Variants in PTCHD4 observed in about 807,000 individuals in gnomAD.
The protein encoded by PTCHD4 is patched domain-containing protein 4.
PTCHD4 carries 33 observed loss-of-function variants against 58.1 expected under a neutral mutation model. The ratio of observed to expected loss-of-function variants is 0.57; its 90% CI spans 0.43 to 0.76. The LOEUF (loss-of-function observed/expected upper bound fraction) is 0.76. Ranked by LOEUF, PTCHD4 falls within the 30% of genes least tolerant of loss-of-function variation. The pLI is 0.00. For synonymous variants in PTCHD4, 478 were observed against 409.6 expected, an observed-to-expected ratio of 1.17 and a Z score of -2.02; for missense variants, 1,058 against 1,027.1, an observed-to-expected ratio of 1.03 and a Z score of -0.41.
intron 3 of PTCHD4, among the ~76,000 whole-genome samples, chr6:48,043,976 C>T (rs558028349): frequency 7.9e-5 from 12 of 151,818 alleles, no homozygotes; most frequent in South Asian, 6.2e-4. Flanking sequence ...GTGAAGTTTG[C>T]GGGGAAGAAT....
At chr6:47,979,190 C>T (rs927904402) in intron 4 of PTCHD4, among the ~76,000 whole-genome samples, 1 of 152,076 alleles carries the variant, frequency 6.6e-6, no homozygotes, top group African/African-American at 2.4e-5. Context: ...GATAGGGATT[C>T]ACTGAAAAGG....
chr6:47,971,327 T>G (rs1003422116), intron 4 of PTCHD4, among the ~76,000 whole-genome samples: 50 of 146,538 alleles, frequency 3.4e-4, no homozygotes, highest in Non-Finnish European at 3.8e-4. Context: ...GAAAGTATGA[T>G]TGCTGAATAA....
chr6:47,886,356 T>A (rs114152312), intron 4 of PTCHD4, among the ~76,000 whole-genome samples: 5,443 of 152,234 alleles, frequency 0.036, 154 homozygotes, highest in Non-Finnish European at 0.048. Context: ...CTAGTTTATT[T>A]TAATCAGCAG....
In PTCHD4 at chr6:47,871,095, G is replaced by A. The variant is rs1763702403; in HGVS notation, c.*7208C>T. ...TTAAGAACAAGTGGGTTTTGTTTTA[G>A]GAAAGAAAATAAAAATGCTCAACTT... On this transcript the variant is annotated 3_prime_UTR_variant, in exon 5 of 5. Coordinates refer to ENST00000339488, the MANE Select transcript of PTCHD4 (RefSeq NM_001384253.1). 2.6e-5 allele frequency among the ~76,000 whole-genome samples: 4 copies of A among 151,468 alleles called. No individual in the cohort carries two copies. Among genetic ancestry groups the A allele is most frequent in the African/African-American group, 9.7e-5 (4 of 41,326 alleles).
chr6:47,988,624 G>T (rs926143985), intron 4 of PTCHD4, among the ~76,000 whole-genome samples: 2 of 152,264 alleles, frequency 1.3e-5, no homozygotes, highest in Admixed American at 1.3e-4. Flanking sequence ...TGTTCTTGTG[G>T]TAGTGAATAG....
chr6:48,068,700 C>G lies in PTCHD4; in HGVS notation c.6-59G>C. Reference sequence around the variant, plus strand: ...GGCTACCCCGTTCTCCCCCATCCCACCCCCTGGGGCCAGTCCCCCCTCCCC... The same window carrying G: ...GGCTACCCCGTTCTCCCCCATCCCAGCCCCTGGGGCCAGTCCCCCCTCCCC... On this transcript the variant is annotated intron_variant, in intron 2 of 4. Coordinates refer to ENST00000339488, the MANE Select transcript of PTCHD4 (RefSeq NM_001384253.1). The surrounding 1 kb of genome is among the most constrained non-coding windows in gnomAD (Gnocchi z 4.2). The G allele has an allele frequency of 1.4e-6, 2 of 1,454,534 alleles. No individual in the cohort carries two copies. Among genetic ancestry groups the G allele is most frequent in the Non-Finnish European group, 9.1e-7 (1 of 1,097,576 alleles). The allele number at this position is 1,454,534 out of a possible 1,614,324, so 90.1% of individuals were successfully genotyped here.
intron 3 of PTCHD4, among the ~76,000 whole-genome samples, chr6:48,046,515 T>C (rs1359526688): frequency 1.3e-5 from 2 of 151,896 alleles, no homozygotes; most frequent in African/African-American, 4.8e-5. Flanking sequence ...CTTTTAATGT[T>C]AGTTATAAAC....
At chr6:48,097,781 GA>G (rs528820955) in intron 1 of PTCHD4, among the ~76,000 whole-genome samples, 1 of 152,026 alleles carries the variant, frequency 6.6e-6, no homozygotes, top group Admixed American at 6.6e-5. Context: ...GCTGTAGGAA[GA>G]AAAAAATCAA....
intron 4 of PTCHD4, among the ~76,000 whole-genome samples, chr6:47,989,426 G>A (rs1768200278): frequency 6.6e-6 from 1 of 152,198 alleles, no homozygotes; most frequent in Non-Finnish European, 1.5e-5. Flanking sequence ...CATGTCAGAG[G>A]TCTTCAACGT....
intron 1 of PTCHD4, among the ~76,000 whole-genome samples, chr6:48,085,780 A>G (rs1038059741): frequency 1.3e-5 from 2 of 152,166 alleles, no homozygotes; most frequent in Non-Finnish European, 2.9e-5. Flanking sequence ...TCATGATAAG[A>G]TATTCCATTT....
At chr6:47,947,471 T>G (rs1388836092) in intron 4 of PTCHD4, among the ~76,000 whole-genome samples, 1 of 152,104 alleles carries the variant, frequency 6.6e-6, no homozygotes, top group African/African-American at 2.4e-5. Flanking sequence ...AGCTCCTCCT[T>G]TATTATTAAT....
chr6:48,025,844 T>G (rs1409236981), intron 3 of PTCHD4, among the ~76,000 whole-genome samples: 2 of 152,164 alleles, frequency 1.3e-5, no homozygotes, highest in Non-Finnish European at 1.5e-5. Context: ...TGGAGCTGTT[T>G]GCAAGAAAAT....
chr6:47,982,278 G>C lies in PTCHD4; in HGVS notation c.898+26356C>G, dbSNP rs1329429383. 3.3e-5 allele frequency among the ~76,000 whole-genome samples: 5 copies of C among 152,126 alleles called. No homozygotes were observed. In the East Asian group the frequency reaches 9.7e-4, roughly 29 times the overall value. On this transcript the variant is annotated intron_variant, in intron 4 of 4. Transcript: ENST00000339488. ...ATTAGAAGCATTGTTTACCTGTTAG[G>C]CTGATATCAAGTCCCATCTCCCTTT...
intron 1 of PTCHD4, among the ~76,000 whole-genome samples, chr6:48,086,490 G>A (rs941393865): frequency 2.0e-5 from 3 of 150,088 alleles, no homozygotes; most frequent in African/African-American, 7.4e-5. Flanking sequence ...TCAAATACAA[G>A]GAAATATTAC....
chr6:48,062,176 T>C (rs1423748851), intron 3 of PTCHD4, among the ~76,000 whole-genome samples: 1 of 152,166 alleles, frequency 6.6e-6, no homozygotes, highest in Non-Finnish European at 1.5e-5. Context: ...ACTTGTAATA[T>C]AGAATTATTT....
chr6:48,045,368 T>C (rs563961819), intron 3 of PTCHD4, among the ~76,000 whole-genome samples: 1 of 151,946 alleles, frequency 6.6e-6, no homozygotes, highest in African/African-American at 2.4e-5. Flanking sequence ...TTTAAAAGTG[T>C]TTGAGTCGTA....
intron 1 of PTCHD4, among the ~76,000 whole-genome samples, chr6:48,082,378 C>G (rs568439232): frequency 3.5e-4 from 53 of 152,302 alleles, no homozygotes; most frequent in African/African-American, 1.3e-3. Flanking sequence ...TAGCTGTACT[C>G]TCAATTCCTC....
intron 3 of PTCHD4, among the ~76,000 whole-genome samples, chr6:48,040,738 A>G (rs558738977): frequency 1.3e-5 from 2 of 152,204 alleles, no homozygotes; most frequent in African/African-American, 4.8e-5. Flanking sequence ...TAGTATTCAC[A>G]TTTTACAGAG....
At position 48,011,886 on chromosome 6, in the gene PTCHD4, T is replaced by C. The variant is rs1369874236; in HGVS notation, c.418-2772A>G. Among the ~76,000 whole-genome samples, 3 of 152,332 alleles carry C rather than the reference T, an allele frequency of 2.0e-5. No individual in the cohort carries two copies. In the East Asian group the frequency reaches 5.8e-4, roughly 29 times the overall value. ...TTGTCAAAGATTAGATGGTTGTAGA[T>C]GTGCGCCATTATTTCTGAGGCCTCT... On this transcript the variant is annotated intron_variant, in intron 3 of 4. Transcript: ENST00000339488.
Sources: gnomAD v4.1 joint callset for allele counts (sites outside exome capture counted in the v4.1 genomes callset) on GRCh38, gnomAD v4.1.1 for gene constraint, Gnocchi (gnomAD v3.1) non-coding constraint, MANE v1.5 for transcripts, NCBI Gene and HGNC (gene_info 2026-07-23, HGNC 2026-07-21) for gene names.